SOX6: variants seen among roughly 807,000 people sequenced by gnomAD.
SOX6 encodes SRY-box transcription factor 6.
In SOX6, 11 loss-of-function variants were observed where a neutral mutation model predicts 97.8. The ratio of observed to expected loss-of-function variants is 0.11; its 90% CI spans 0.07 to 0.19. The LOEUF is 0.19. Among genes scored for constraint, SOX6 ranks in the 10% least tolerant of loss-of-function variants. The pLI, the probability that SOX6 is intolerant of heterozygous loss-of-function variation, is 1.00. For synonymous variants in SOX6, 360 were observed against 371.4 expected (o/e 0.97, Z 0.35); for missense variants, 810 against 1,039.5 (o/e 0.78, Z 3.04).
At chr11:16,589,805 A>G (rs1423092262) in intron 4 of SOX6, among the ~76,000 whole-genome samples, 2 of 152,180 alleles carry the variant, frequency 1.3e-5, no homozygotes, top group African/African-American at 2.4e-5. Flanking sequence ...AAGCACATCA[A>G]TATAAATCTA....
chr11:16,496,777 A>G (rs1029797323), intron 4 of SOX6, among the ~76,000 whole-genome samples: 14 of 152,302 alleles, frequency 9.2e-5, no homozygotes, highest in Admixed American at 9.2e-4. Context: ...GGGGAGGGGC[A>G]CACACCACTG....
chr11:16,423,208 A>G (rs1438094657), intron 1 of SOX6, among the ~76,000 whole-genome samples: 1 of 151,972 alleles, frequency 6.6e-6, no homozygotes, highest in African/African-American at 2.4e-5. Flanking sequence ...CTCACTCTTC[A>G]AGGCCTTTCT....
intron 3 of SOX6, among the ~76,000 whole-genome samples, chr11:16,262,199 T>A (rs554428171): frequency 6.6e-6 from 1 of 152,174 alleles, no homozygotes; most frequent in Non-Finnish European, 1.5e-5. Context: ...TATATGAGCA[T>A]CAAATGTGCG....
intron 4 of SOX6, among the ~76,000 whole-genome samples, chr11:16,548,202 G>T (rs143243614): frequency 3.7e-4 from 56 of 152,158 alleles, no homozygotes; most frequent in African/African-American, 1.2e-3. Flanking sequence ...TGAAAACAAA[G>T]ACTTTTTCGA....
At chr11:16,549,736 C>G (rs1281118016) in intron 4 of SOX6, among the ~76,000 whole-genome samples, 4 of 152,116 alleles carry the variant, frequency 2.6e-5, no homozygotes, top group African/African-American at 7.2e-5. Context: ...TGTCACACAT[C>G]CATATATTGG....
intron 4 of SOX6, among the ~76,000 whole-genome samples, chr11:16,557,249 T>C (rs1847759853): frequency 6.6e-6 from 1 of 151,848 alleles, no homozygotes; most frequent in South Asian, 2.1e-4. Context: ...CAAAGTAAGG[T>C]TAGGAACTTT....
At chr11:16,484,412 C>A in intron 4 of SOX6, 1 of 789,310 alleles carries the variant, frequency 1.3e-6, no homozygotes, top group Non-Finnish European at 2.3e-6. Context: ...TTTAACCAGG[C>A]CCTTCTCATG....
chr11:16,228,523 G>A (rs777626759), intron 4 of SOX6, among the ~76,000 whole-genome samples: 2 of 151,794 alleles, frequency 1.3e-5, no homozygotes, highest in Non-Finnish European at 1.5e-5. Context: ...GAGAGGAATA[G>A]GGAGATGTAG....
At chr11:16,280,662 C>T (rs1854530924) in intron 3 of SOX6, among the ~76,000 whole-genome samples, 1 of 152,008 alleles carries the variant, frequency 6.6e-6, no homozygotes, top group South Asian at 2.1e-4. Context: ...ACTGTGTTTC[C>T]CTATAGACCA....
intron 4 of SOX6, among the ~76,000 whole-genome samples, chr11:16,561,293 G>A (rs1243994699): frequency 6.6e-6 from 1 of 152,078 alleles, no homozygotes; most frequent in Non-Finnish European, 1.5e-5. Flanking sequence ...GGGCACCACA[G>A]TGGGCTCAGT....
intron 6 of SOX6, among the ~76,000 whole-genome samples, chr11:16,161,666 G>A (rs905672839): frequency 6.6e-6 from 1 of 151,996 alleles, no homozygotes; most frequent in East Asian, 1.9e-4. Flanking sequence ...TAGTCAAGTC[G>A]GATCTCTACC....
chr11:16,608,586 A>G (rs1212918567), intron 4 of SOX6, among the ~76,000 whole-genome samples: 1 of 151,878 alleles, frequency 6.6e-6, no homozygotes, highest in Non-Finnish European at 1.5e-5. Flanking sequence ...TAAACGATGG[A>G]GGAGGAGGCG....
At chr11:16,209,098 C>A (rs777932083) in intron 4 of SOX6, among the ~76,000 whole-genome samples, 1 of 152,106 alleles carries the variant, frequency 6.6e-6, no homozygotes, top group Admixed American at 6.5e-5. Flanking sequence ...GCCTGAAATA[C>A]AAAAAATTTA....
At chr11:16,362,025 C>T (rs1857222028) in intron 1 of SOX6, among the ~76,000 whole-genome samples, 1 of 152,142 alleles carries the variant, frequency 6.6e-6, no homozygotes, top group Non-Finnish European at 1.5e-5. Context: ...CAGAATCAGC[C>T]TCTACAAATG....
chr11:16,314,546 T>C (rs1482505185), intron 3 of SOX6: 1 of 152,212 alleles, frequency 6.6e-6, no homozygotes, highest in Non-Finnish European at 1.5e-5. Context: ...GTTTTATTCA[T>C]TATGGGTGTA....
chr11:16,326,509 T>A (rs1856098195), intron 2 of SOX6, among the ~76,000 whole-genome samples: 4 of 152,028 alleles, frequency 2.6e-5, no homozygotes, highest in Admixed American at 2.6e-4. Flanking sequence ...GGCTACAGTT[T>A]TTTTTAAAAA....
chr11:16,189,156 C>T (rs1187110914), intron 4 of SOX6, among the ~76,000 whole-genome samples: 1 of 152,122 alleles, frequency 6.6e-6, no homozygotes, highest in East Asian at 1.9e-4. Flanking sequence ...ACAAATAAGA[C>T]AAATGTTCTG....
At chr11:16,734,363 C>A (rs751603764) in intron 2 of SOX6, among the ~76,000 whole-genome samples, 2 of 152,208 alleles carry the variant, frequency 1.3e-5, no homozygotes, top group African/African-American at 2.4e-5. Flanking sequence ...TGGGCTTCAT[C>A]TCATAGTCCA....
chr11:16,677,408 A>G (rs1012091578), intron 3 of SOX6, among the ~76,000 whole-genome samples: 1 of 152,114 alleles, frequency 6.6e-6, no homozygotes, highest in Non-Finnish European at 1.5e-5. Flanking sequence ...TAAGCTTTTG[A>G]TTAGTTTCAA....
Sources: allele counts gnomAD v4.1 joint callset (sites outside exome capture counted in the v4.1 genomes callset), GRCh38; gene constraint gnomAD v4.1.1; transcripts MANE v1.5; gene names NCBI Gene and HGNC (gene_info 2026-07-23, HGNC 2026-07-21).